Variants in SORCS3 observed in about 807,000 individuals in gnomAD.
SORCS3 encodes sortilin related VPS10 domain containing receptor 3.
A neutral mutation model predicts 146.3 loss-of-function variants in SORCS3; 57 were observed. That is an observed-to-expected ratio of 0.39 (90% CI 0.31 to 0.49). SORCS3 has a LOEUF of 0.49. Among genes scored for constraint, SORCS3 ranks in the 20% least tolerant of loss-of-function variants. The probability of loss-of-function intolerance (pLI) is 0.92; values close to 1 mark genes in which losing one functional copy is unlikely to be tolerated. For missense variants in SORCS3, 1,341 were observed against 1,575.5 expected (o/e 0.85, Z 2.52); for synonymous variants, 653 against 618.5 (o/e 1.06, Z -0.83).
chr10:104,715,380 C>T (rs566397388), intron 1 of SORCS3, among the ~76,000 whole-genome samples: 83 of 152,136 alleles, frequency 5.5e-4, no homozygotes, highest in Non-Finnish European at 1.0e-3. Context: ...GGTTCTTGAG[C>T]CTTTGGACTC....
intron 2 of SORCS3, among the ~76,000 whole-genome samples, chr10:104,875,178 T>A (rs1357188326): frequency 6.6e-6 from 1 of 152,240 alleles, no homozygotes; most frequent in Non-Finnish European, 1.5e-5. Flanking sequence ...GAATCATGTT[T>A]GTCAGTTGGT....
chr10:104,815,087 A>AC (rs2017782068), intron 1 of SORCS3, among the ~76,000 whole-genome samples: 1 of 152,148 alleles, frequency 6.6e-6, no homozygotes, highest in African/African-American at 2.4e-5. Context: ...TGGAAGGAGG[A>AC]CACCTGTGCG....
At chr10:105,090,260 C>A (rs951145739) in intron 6 of SORCS3, among the ~76,000 whole-genome samples, 3 of 152,126 alleles carry the variant, frequency 2.0e-5, no homozygotes, top group African/African-American at 4.8e-5. Flanking sequence ...ACTGTTTATT[C>A]ATCCATTCGA....
rs1027650647 is a variant in SORCS3, at chr10:104,942,050, C to T, written c.795+26118C>T. Among the ~76,000 whole-genome samples, 63 of 152,136 alleles carry T rather than the reference C, an allele frequency of 4.1e-4. 1 individual carries two copies. Among genetic ancestry groups the T allele is most frequent in the Admixed American group, 2.0e-3 (30 of 15,264 alleles). On this transcript the variant is annotated intron_variant, in intron 3 of 26. Transcript: ENST00000369701. ...TATAAGGACAGGGATTATCTTTATT[C>T]TCTCTTTTTAAATGATAAAAATATC...
chr10:105,198,312 G>A (rs1196201698), intron 14 of SORCS3, among the ~76,000 whole-genome samples: 1 of 152,122 alleles, frequency 6.6e-6, no homozygotes, highest in Admixed American at 6.5e-5. Context: ...AAGACTTACT[G>A]CTGGAAGTGG....
chr10:105,009,721 A>G lies in SORCS3; in HGVS notation c.954+32228A>G, dbSNP rs546793396. Reference sequence around the variant, plus strand: ...TTTCATATAATTCAAATTTTTCAATAATTTTTTTCACTTTTTCACTTTTTT... The same window carrying G: ...TTTCATATAATTCAAATTTTTCAATGATTTTTTTCACTTTTTCACTTTTTT... On this transcript the variant is annotated intron_variant, in intron 4 of 26. Coordinates refer to ENST00000369701, the MANE Select transcript of SORCS3 (RefSeq NM_014978.3). Among the ~76,000 whole-genome samples, 15 of 151,796 alleles carry G rather than the reference A, an allele frequency of 9.9e-5. No homozygotes were observed. In the East Asian group the frequency reaches 2.9e-3, roughly 29 times the overall value.
At chr10:105,106,955 A>C (rs929670486) in intron 7 of SORCS3, among the ~76,000 whole-genome samples, 11 of 152,170 alleles carry the variant, frequency 7.2e-5, no homozygotes, top group Non-Finnish European at 2.9e-5. Context: ...TTCTCTACCC[A>C]GTACTCGCTG....
At chr10:104,881,745 C>T (rs2018632197) in intron 2 of SORCS3, among the ~76,000 whole-genome samples, 1 of 152,072 alleles carries the variant, frequency 6.6e-6, no homozygotes, top group African/African-American at 2.4e-5. Context: ...CGTCAAAAAC[C>T]AAGCAAAGCA....
At chr10:105,111,734 TATG>T (rs1318586098) in intron 7 of SORCS3, among the ~76,000 whole-genome samples, 1 of 152,146 alleles carries the variant, frequency 6.6e-6, no homozygotes. Flanking sequence ...TATAATGTAA[TATG>T]ATGAGAGCTG....
rs111349216 is a variant in SORCS3, at chr10:104,781,056, T to C, written c.628-61736T>C. 3.1e-3 allele frequency among the ~76,000 whole-genome samples: 476 copies of C among 152,366 alleles called. 2 individuals are homozygous for C. Among genetic ancestry groups the C allele is most frequent in the Middle Eastern group, 0.014 (4 of 294 alleles). The stretch of plus-strand genomic sequence containing the variant: ...GAAAGTATTGTCATACCAGTATGGA[T>C]GTGTTTTGCACAGAAAATGAGGAAA... On this transcript the variant is annotated intron_variant, in intron 1 of 26. Transcript: ENST00000369701.
chr10:105,147,898 G>T lies in SORCS3; in HGVS notation c.1482+102G>T, dbSNP rs923060224. 3 of 957,278 alleles carry T rather than the reference G, an allele frequency of 3.1e-6. No individual in the cohort carries two copies. In the Admixed American group the frequency reaches 8.4e-5, roughly 27 times the overall value. The allele number at this position is 957,278 out of a possible 1,614,324, so 59.3% of individuals were successfully genotyped here. A position where few individuals can be genotyped will look rare whatever the true frequency, so the allele number is the denominator to read the frequency against. On this transcript the variant is annotated intron_variant, in intron 9 of 26. Coordinates refer to ENST00000369701, the MANE Select transcript of SORCS3 (RefSeq NM_014978.3). ...GGAGTTCTGGGTTCAGATTCCAGCTGTACCACTTAGCAATTGTATGACTTT... is the reference window on the plus strand; with the variant it reads ...GGAGTTCTGGGTTCAGATTCCAGCTTTACCACTTAGCAATTGTATGACTTT...
chr10:104,641,360 C>G lies in SORCS3; in HGVS notation c.33C>G (p.Gly11=). Residue 11 remains glycine, a synonymous_variant, in exon 1 of 27, where the codon GGC becomes GGG. Coordinates refer to ENST00000369701, the MANE Select transcript of SORCS3 (RefSeq NM_014978.3). The surrounding 1 kb of genome is among the most constrained non-coding windows in gnomAD (Gnocchi z 6.4). Reference sequence around the variant, plus strand: ...CGGCGCGCACGGAGCGCCCCGCAGGCAGGCCGGGGGCGCCGCTTGTCCGGA... The same window carrying G: ...CGGCGCGCACGGAGCGCCCCGCAGGGAGGCCGGGGGCGCCGCTTGTCCGGA... The part of the protein sequence containing the change: MEAARTERPA[G]RPGAPLVRTG... 1.4e-6 allele frequency: 2 copies of G among 1,388,476 alleles called. No individual in the cohort carries two copies. Among genetic ancestry groups the G allele is most frequent in the East Asian group, 6.2e-5 (2 of 32,170 alleles). The allele number at this position is 1,388,476 out of a possible 1,614,324, so 86.0% of individuals were successfully genotyped here.
chr10:104,881,740 A>G (rs2018632141), intron 2 of SORCS3, among the ~76,000 whole-genome samples: 1 of 152,172 alleles, frequency 6.6e-6, no homozygotes, highest in Admixed American at 6.5e-5. Flanking sequence ...ACTTGCGTCA[A>G]AAACCAAGCA....
At chr10:105,050,017 G>A (rs1299688024) in intron 5 of SORCS3, among the ~76,000 whole-genome samples, 1 of 146,186 alleles carries the variant, frequency 6.8e-6, no homozygotes, top group Non-Finnish European at 1.5e-5. Context: ...GTGTATATGT[G>A]TATGTGTATA....
intron 2 of SORCS3, among the ~76,000 whole-genome samples, chr10:104,888,126 T>C (rs922601861): frequency 1.3e-5 from 2 of 152,240 alleles, no homozygotes; most frequent in African/African-American, 4.8e-5. Context: ...CATAGATTTC[T>C]TTTAGTGAGC....
At chr10:104,906,256 C>T (rs902617911) in intron 2 of SORCS3, among the ~76,000 whole-genome samples, 3 of 152,162 alleles carry the variant, frequency 2.0e-5, no homozygotes, top group African/African-American at 7.2e-5. Context: ...AAGTTGGGTT[C>T]GTTTTCCCTG....
chr10:104,776,377 A>G (rs564245376), intron 1 of SORCS3, among the ~76,000 whole-genome samples: 64 of 152,222 alleles, frequency 4.2e-4, no homozygotes, highest in African/African-American at 1.5e-3. Flanking sequence ...GCCAGCTCAA[A>G]TGTTGCCAGA....
In SORCS3 at chr10:104,973,435, T is replaced by A. The variant is rs1463554548; in HGVS notation, c.796-3900T>A. On this transcript the variant is annotated intron_variant, in intron 3 of 26. Coordinates refer to ENST00000369701, the MANE Select transcript of SORCS3 (RefSeq NM_014978.3). The stretch of plus-strand genomic sequence containing the variant: ...TGGTTTAGTCTTGGGAGGGTGTATG[T>A]GTTGAGGAATTTATCCATTTCTTCT... Among the ~76,000 whole-genome samples, 36 of 152,336 alleles carry A rather than the reference T, an allele frequency of 2.4e-4. No individual in the cohort carries two copies. The South Asian group carries it at 6.6e-3, about 28-fold the overall frequency.
intron 5 of SORCS3, among the ~76,000 whole-genome samples, chr10:105,070,485 G>A (rs2055549736): frequency 6.6e-6 from 1 of 152,214 alleles, no homozygotes; most frequent in Non-Finnish European, 1.5e-5. Context: ...CAACTTCAGA[G>A]AAAGGGAGAA....
Sources: gnomAD v4.1 joint callset for allele counts (sites outside exome capture counted in the v4.1 genomes callset) on GRCh38, gnomAD v4.1.1 for gene constraint, Gnocchi (gnomAD v3.1) non-coding constraint, MANE v1.5 for transcripts, NCBI Gene and HGNC (gene_info 2026-07-23, HGNC 2026-07-21) for gene names.